Variants in TTC9 observed in about 807,000 individuals in gnomAD.
The protein encoded by TTC9 is tetratricopeptide repeat domain 9.
A neutral mutation model predicts 22.9 loss-of-function variants in TTC9; 13 were observed. The observed-to-expected ratio is 0.57, with a 90% confidence interval of 0.37 to 0.90. The LOEUF (loss-of-function observed/expected upper bound fraction) is 0.90, where lower values mean the gene tolerates loss of function less well. TTC9 is among the 40% of genes least tolerant of loss of function. The pLI is 0.01. For missense variants in TTC9, 280 were observed against 291.8 expected (o/e 0.96, Z 0.29); for synonymous variants, 148 against 133.2 (o/e 1.11, Z -0.77).
At chr14:70,655,419 AC>A (rs1397156051) in intron 1 of TTC9, among the ~76,000 whole-genome samples, 3 of 151,876 alleles carry the variant, frequency 2.0e-5, no homozygotes, top group Non-Finnish European at 2.9e-5. Context: ...AAAAAAAAAA[AC>A]AAAGAAGAAG....
chr14:70,642,577 C>A, intron 1 of TTC9, 42 bp downstream of exon 1: 1 of 1,504,658 alleles, frequency 6.6e-7, no homozygotes, highest in Admixed American at 2.2e-5. Flanking sequence ...CCCCGTTCTT[C>A]GGCCCGGTCC....
intron 1 of TTC9, among the ~76,000 whole-genome samples, chr14:70,646,619 C>A (rs1224530537): frequency 6.6e-6 from 1 of 152,218 alleles, no homozygotes; most frequent in Non-Finnish European, 1.5e-5. Flanking sequence ...AGGCTAGGAG[C>A]TTGTGCCTCT....
intron 1 of TTC9, 56 bp downstream of exon 1, chr14:70,642,591 C>A (rs1885839486): frequency 6.8e-7 from 1 of 1,466,222 alleles, no homozygotes; most frequent in Non-Finnish European, 9.1e-7. Context: ...CCGGTCCCTC[C>A]GCGGACCACT....
At chr14:70,664,379 GA>G (rs1223200915) in intron 1 of TTC9, among the ~76,000 whole-genome samples, 1 of 151,688 alleles carries the variant, frequency 6.6e-6, no homozygotes, top group Admixed American at 6.6e-5. Flanking sequence ...AGGTAGCGCT[GA>G]GGCCAGCCTC....
At chr14:70,664,360 A>G (rs1478338415) in intron 1 of TTC9, among the ~76,000 whole-genome samples, 2 of 151,212 alleles carry the variant, frequency 1.3e-5, no homozygotes, top group East Asian at 1.9e-4. Context: ...GTGCCTAAAA[A>G]TCACCTGCAG....
In TTC9 at chr14:70,642,051, T is replaced by G; in HGVS notation, c.-79T>G. On this transcript the variant is annotated 5_prime_UTR_variant, in exon 1 of 3. Transcript: ENST00000256367. ...AGGCGCGGGGCCGGCGCCCGCGGCT[T>G]TTAAACCCGGGAAGGCGCGGCGGCG... The G allele has an allele frequency of 5.2e-6, 5 of 967,058 alleles. No homozygotes were observed. The highest frequency in any genetic ancestry group is 6.2e-6 in the Non-Finnish European group (5 of 809,288). The allele number at this position is 967,058 out of a possible 1,614,324, so 59.9% of individuals were successfully genotyped here. A position where few individuals can be genotyped will look rare whatever the true frequency, so the allele number is the denominator to read the frequency against.
chr14:70,651,967 A>G (rs1885991420), intron 1 of TTC9, among the ~76,000 whole-genome samples: 1 of 152,034 alleles, frequency 6.6e-6, no homozygotes, highest in Admixed American at 6.5e-5. Context: ...TAAAAAAAAA[A>G]AAAATACATG....
intron 1 of TTC9, among the ~76,000 whole-genome samples, chr14:70,657,352 C>T (rs1886081216): frequency 2.0e-5 from 3 of 152,230 alleles, no homozygotes; most frequent in Admixed American, 6.5e-5. Context: ...GTAGTGATCC[C>T]AAAGGTGGGG....
intron 1 of TTC9, among the ~76,000 whole-genome samples, chr14:70,654,097 C>T (rs980682987): frequency 1.3e-5 from 2 of 152,016 alleles, no homozygotes; most frequent in African/African-American, 2.4e-5. Context: ...CTTGGATCCG[C>T]TCACAGCTGC....
At chr14:70,670,655 A>C (rs1050352780) in intron 2 of TTC9, among the ~76,000 whole-genome samples, 3 of 135,426 alleles carry the variant, frequency 2.2e-5, no homozygotes, top group Non-Finnish European at 3.2e-5. Context: ...ATCTCAAAAA[A>C]CAAACAAACA....
intron 2 of TTC9, among the ~76,000 whole-genome samples, chr14:70,670,368 T>C (rs932801898): frequency 1.3e-5 from 2 of 152,176 alleles, no homozygotes; most frequent in Admixed American, 6.5e-5. Flanking sequence ...AAATGGAGCT[T>C]GTTGGCTGGG....
At chr14:70,643,394 T>TA (rs758514572) in intron 1 of TTC9, among the ~76,000 whole-genome samples, 1 of 152,128 alleles carries the variant, frequency 6.6e-6, no homozygotes, top group South Asian at 2.1e-4. Flanking sequence ...TAAAGTCTCT[T>TA]AAAAAAAGAA....
rs1202049047 is a variant in TTC9, at chr14:70,645,377, T to C, written c.406+2842T>C. ...CCCACTGTGGTGTATTTCCTTCCTGTATTTTTTTCTGTGAATAAATGTAAA... is the reference window on the plus strand; with the variant it reads ...CCCACTGTGGTGTATTTCCTTCCTGCATTTTTTTCTGTGAATAAATGTAAA... On this transcript the variant is annotated intron_variant, in intron 1 of 2. Transcript: ENST00000256367. Among the ~76,000 whole-genome samples, 11 of 152,368 alleles carry C rather than the reference T, an allele frequency of 7.2e-5. No homozygotes were observed. The South Asian group carries it at 2.1e-3, about 29-fold the overall frequency.
chr14:70,649,844 C>T (rs1638641724), intron 1 of TTC9, among the ~76,000 whole-genome samples: 1 of 152,168 alleles, frequency 6.6e-6, no homozygotes, highest in African/African-American at 2.4e-5. Flanking sequence ...ACTTCCATTC[C>T]ATGGCCATCC....
At chr14:70,662,143 A>G (rs565760309) in intron 1 of TTC9, among the ~76,000 whole-genome samples, 36 of 152,304 alleles carry the variant, frequency 2.4e-4, no homozygotes, top group African/African-American at 8.2e-4. Flanking sequence ...GCCTCTAGAT[A>G]TGGTTGTCTG....
chr14:70,642,478 G>A lies in TTC9; in HGVS notation c.349G>A (p.Glu117Lys). ...AGALKPGRLS[E>K]EQSKTVEAIE... ...GGCCCTGAAGCCCGGCCGCCTCTCG[G>A]AGGAGCAGAGCAAGACGGTGGAAGC... is the stretch of plus-strand genomic sequence containing the variant. The change falls in exon 1 of 3, where the codon GAG becomes AAG. Residue 117 changes from glutamate (E) to lysine (K), a missense_variant. Physicochemically the swap from Glu to Lys is moderately conservative, Grantham distance 56. Coordinates refer to ENST00000256367, the MANE Select transcript of TTC9 (RefSeq NM_015351.2). 6.5e-7 allele frequency: 1 copy of A among 1,549,296 alleles called. No individual in the cohort carries two copies. The highest frequency in any genetic ancestry group is 8.7e-7 in the Non-Finnish European group (1 of 1,146,946).
intron 1 of TTC9, among the ~76,000 whole-genome samples, chr14:70,655,358 C>T (rs997697687): frequency 2.0e-5 from 3 of 151,834 alleles, no homozygotes; most frequent in Admixed American, 1.3e-4. Context: ...CGCGCCACTG[C>T]TCTCCAAGCG....
chr14:70,644,572 G>A (rs1459969254), intron 1 of TTC9, among the ~76,000 whole-genome samples: 2 of 152,164 alleles, frequency 1.3e-5, no homozygotes, highest in East Asian at 3.9e-4. Context: ...GATGCACAAA[G>A]TCAGCATCCT....
intron 1 of TTC9, among the ~76,000 whole-genome samples, chr14:70,653,787 C>T (rs941652049): frequency 1.3e-5 from 2 of 152,158 alleles, no homozygotes; most frequent in Non-Finnish European, 2.9e-5. Flanking sequence ...AATCTGACAG[C>T]GGAAAATAAG....
Sources: gnomAD v4.1 joint callset for allele counts (sites outside exome capture counted in the v4.1 genomes callset) on GRCh38, gnomAD v4.1.1 for gene constraint, MANE v1.5 for transcripts, NCBI Gene and HGNC (gene_info 2026-07-23, HGNC 2026-07-21) for gene names.